CNTNAP2: variants seen among roughly 807,000 people sequenced by gnomAD.
The protein encoded by CNTNAP2 is contactin associated protein 2.
In CNTNAP2, 98 loss-of-function variants were observed where a neutral mutation model predicts 155.2. The observed-to-expected ratio is 0.63, with a 90% CI of 0.54 to 0.75. The LOEUF is 0.75. Ranked by LOEUF, CNTNAP2 falls within the 30% of genes least tolerant of loss-of-function variation. CNTNAP2 has a pLI of 0.00. For missense variants in CNTNAP2, 1,727 were observed against 1,688.1 expected, an observed-to-expected ratio of 1.02 and a Z score of -0.40; for synonymous variants, 651 against 631.2, an observed-to-expected ratio of 1.03 and a Z score of -0.47.
rs2116911595 is a variant in CNTNAP2, at chr7:148,015,790, CA to C, written c.2383+37802del. ...TTTTTTGTTTCAGGATTTTTCAATC[CA>C]GAAGACAAAGAGATTAGTCAGCAGC... is the stretch of plus-strand genomic sequence containing the variant. On this transcript the variant is annotated intron_variant, in intron 15 of 23. Coordinates refer to ENST00000361727, the MANE Select transcript of CNTNAP2 (RefSeq NM_014141.6). Among the ~76,000 whole-genome samples the C allele has an allele frequency of 3.9e-5, 6 of 152,262 alleles. 1 individual carries two copies. The highest frequency in any genetic ancestry group is 3.9e-4 in the Admixed American group (6 of 15,304).
intron 3 of CNTNAP2, among the ~76,000 whole-genome samples, chr7:146,904,363 C>T (rs562922338): frequency 3.9e-5 from 6 of 152,252 alleles, no homozygotes; most frequent in South Asian, 2.1e-4. Context: ...CCTGTAATCT[C>T]GCCACGAAAT....
chr7:146,254,062 A>G (rs1799798874), intron 1 of CNTNAP2, among the ~76,000 whole-genome samples: 1 of 152,034 alleles, frequency 6.6e-6, no homozygotes, highest in Admixed American at 6.6e-5. Context: ...ACACTGACTC[A>G]TAACAAAACA....
intron 3 of CNTNAP2, among the ~76,000 whole-genome samples, chr7:147,006,734 C>T (rs1798531816): frequency 6.6e-6 from 1 of 151,930 alleles, no homozygotes; most frequent in African/African-American, 2.4e-5. Flanking sequence ...AGTCATCTTC[C>T]TTTTAGACTG....
intron 10 of CNTNAP2, among the ~76,000 whole-genome samples, chr7:147,458,272 G>C (rs186254017): frequency 5.1e-4 from 78 of 151,716 alleles, no homozygotes; most frequent in Non-Finnish European, 1.2e-4. Flanking sequence ...CCATTTTTTG[G>C]TGTTATAAAT....
intron 8 of CNTNAP2, among the ~76,000 whole-genome samples, chr7:147,234,655 G>C (rs1279613734): frequency 6.6e-6 from 1 of 152,078 alleles, no homozygotes; most frequent in Non-Finnish European, 1.5e-5. Flanking sequence ...ATTCTTTATA[G>C]CAAAACGATG....
intron 1 of CNTNAP2, among the ~76,000 whole-genome samples, chr7:146,170,194 T>A (rs1461177346): frequency 1.3e-5 from 2 of 151,930 alleles, no homozygotes; most frequent in African/African-American, 4.8e-5. Flanking sequence ...ACCCAGCTAA[T>A]TTTTGTATTT....
At chr7:147,457,332 G>A (rs938046536) in intron 10 of CNTNAP2, among the ~76,000 whole-genome samples, 1 of 152,232 alleles carries the variant, frequency 6.6e-6, no homozygotes, top group East Asian at 1.9e-4. Context: ...TCGACTCAAT[G>A]TGCTTCCATT....
intron 15 of CNTNAP2, among the ~76,000 whole-genome samples, chr7:147,987,041 G>A (rs1286038031): frequency 6.6e-6 from 1 of 151,946 alleles, no homozygotes; most frequent in Non-Finnish European, 1.5e-5. Context: ...CTATTGCCAT[G>A]GGCTACTAAC....
intron 4 of CNTNAP2, among the ~76,000 whole-genome samples, chr7:147,057,788 T>C (rs1277419691): frequency 6.6e-6 from 1 of 152,312 alleles, no homozygotes; most frequent in East Asian, 1.9e-4. Flanking sequence ...TTGTAAGAAT[T>C]GACTCAACAT....
Position 147,942,002 on chromosome 7 carries a change from T to C in CNTNAP2, c.2256-35860T>C, listed in dbSNP as rs1014111954. Among the ~76,000 whole-genome samples, 14 of 152,348 alleles carry C rather than the reference T, an allele frequency of 9.2e-5. 1 individual carries two copies. In the South Asian group the frequency reaches 1.9e-3, roughly 20 times the overall value. On this transcript the variant is annotated intron_variant, in intron 14 of 23. Coordinates refer to ENST00000361727, the MANE Select transcript of CNTNAP2 (RefSeq NM_014141.6). ...TTTACTGAATGTTGGCTGTCCAGGT[T>C]AGTACCTCATTATGACTTACTGGCT...
At chr7:147,855,438 T>C (rs181652198) in intron 13 of CNTNAP2, among the ~76,000 whole-genome samples, 65 of 152,270 alleles carry the variant, frequency 4.3e-4, no homozygotes, top group Middle Eastern at 3.4e-3. Context: ...CTTCTCCTAC[T>C]CTTGTTTATT....
chr7:146,322,216 A>T (rs1801016312), intron 1 of CNTNAP2, among the ~76,000 whole-genome samples: 1 of 152,160 alleles, frequency 6.6e-6, no homozygotes, highest in African/African-American at 2.4e-5. Context: ...CACATTTTAG[A>T]GCATGTCACT....
intron 1 of CNTNAP2, among the ~76,000 whole-genome samples, chr7:146,512,413 G>A (rs1316641642): frequency 6.6e-6 from 1 of 150,930 alleles, no homozygotes; most frequent in Non-Finnish European, 1.5e-5. Context: ...TTTTTTTTAT[G>A]TAGATGTTCA....
intron 1 of CNTNAP2, among the ~76,000 whole-genome samples, chr7:146,125,688 G>T (rs187751896): frequency 1.7e-3 from 259 of 150,634 alleles, no homozygotes; most frequent in African/African-American, 6.0e-3. Context: ...TATTAACATT[G>T]CTTCTACCAT....
At chr7:147,691,319 A>C (rs1796083627) in intron 13 of CNTNAP2, among the ~76,000 whole-genome samples, 1 of 152,156 alleles carries the variant, frequency 6.6e-6, no homozygotes, top group African/African-American at 2.4e-5. Flanking sequence ...TTGACAGTCA[A>C]AAAAGCAGTA....
intron 1 of CNTNAP2, among the ~76,000 whole-genome samples, chr7:146,347,135 C>G (rs1584881149): frequency 1.1e-5 from 1 of 90,512 alleles, no homozygotes; most frequent in African/African-American, 5.7e-5. Flanking sequence ...AATCCATACT[C>G]TGTAAAAAAA....
At chr7:147,933,482 T>C (rs938293187) in intron 14 of CNTNAP2, among the ~76,000 whole-genome samples, 3 of 146,594 alleles carry the variant, frequency 2.0e-5, no homozygotes, top group African/African-American at 7.6e-5. Flanking sequence ...TATGAATGGA[T>C]ACAGAAAATG....
intron 3 of CNTNAP2, among the ~76,000 whole-genome samples, chr7:146,990,259 G>C (rs1422266865): frequency 6.6e-6 from 1 of 152,120 alleles, no homozygotes; most frequent in Non-Finnish European, 1.5e-5. Flanking sequence ...CAATGAATGA[G>C]TTGCTAGGAC....
In CNTNAP2 at chr7:147,230,038, T is replaced by C. The variant is rs1584806618; in HGVS notation, c.1349-70103T>C. 2.0e-5 allele frequency among the ~76,000 whole-genome samples: 3 copies of C among 152,122 alleles called. No individual in the cohort carries two copies. The South Asian group carries it at 6.2e-4, about 31-fold the overall frequency. ...TAGTTACTAAAATGTTGTTTACAAA[T>C]TATTTTTAAAATTTTAATACTGACA... is the stretch of plus-strand genomic sequence containing the variant. On this transcript the variant is annotated intron_variant, in intron 8 of 23. Coordinates refer to ENST00000361727, the MANE Select transcript of CNTNAP2 (RefSeq NM_014141.6).
Sources: gnomAD v4.1 joint callset for allele counts (sites outside exome capture counted in the v4.1 genomes callset) on GRCh38, gnomAD v4.1.1 for gene constraint, MANE v1.5 for transcripts, NCBI Gene and HGNC (gene_info 2026-07-23, HGNC 2026-07-21) for gene names.